Variants in WIPF2 observed in about 807,000 individuals in gnomAD.
WIPF2 encodes the protein WAS/WASL-interacting protein family member 2.
Under a neutral mutation model 38.8 loss-of-function variants are expected in WIPF2, and 23 were observed. The ratio of observed to expected loss-of-function variants is 0.59; its 90% CI spans 0.43 to 0.84. WIPF2 has a LOEUF of 0.84. Ranked by LOEUF, WIPF2 falls within the 40% of genes least tolerant of loss-of-function variation. The pLI is 0.00. For synonymous variants in WIPF2, 210 were observed against 223.2 expected (o/e 0.94, Z 0.53); for missense variants, 574 against 580.5 (o/e 0.99, Z 0.11).
intron 1 of WIPF2, among the ~76,000 whole-genome samples, chr17:40,232,166 C>G (rs2030771834): frequency 7.5e-6 from 1 of 132,808 alleles, no homozygotes; most frequent in African/African-American, 2.7e-5. Context: ...GCACATGCCA[C>G]CATGCCTGGC....
At chr17:40,252,738 G>A (rs2031598021) in intron 1 of WIPF2, among the ~76,000 whole-genome samples, 1 of 150,190 alleles carries the variant, frequency 6.7e-6, no homozygotes, top group African/African-American at 2.4e-5. Flanking sequence ...GTTTGTTTCT[G>A]AATCAACTGT....
At chr17:40,224,992 G>A (rs1466302841) in intron 1 of WIPF2, among the ~76,000 whole-genome samples, 1 of 151,990 alleles carries the variant, frequency 6.6e-6, no homozygotes, top group Non-Finnish European at 1.5e-5. Context: ...TTGACTGACT[G>A]TGTCTTGAGG....
At chr17:40,238,118 A>T (rs899720253) in intron 1 of WIPF2, among the ~76,000 whole-genome samples, 1 of 151,368 alleles carries the variant, frequency 6.6e-6, no homozygotes, top group Non-Finnish European at 1.5e-5. Flanking sequence ...TGGCCTCCCA[A>T]CGTGCTGGGA....
rs1461380357 is a variant in WIPF2 at position 40,264,953 on chromosome 17, T to C, written c.777T>C (p.Pro259=). Residue 259 remains proline, a synonymous_variant, in exon 5 of 8, where the codon CCT becomes CCC. Coordinates refer to ENST00000323571, the MANE Select transcript of WIPF2 (RefSeq NM_133264.5). ...CTCCTCCGCCTTACCGCCAGCCTCC[T>C]GGGGTCCCCAATGGACCCTCTAGCC... The part of the protein sequence containing the change: ...APPPPPYRQP[P]GVPNGPSSPT... The C allele has an allele frequency of 6.2e-7, 1 of 1,614,186 alleles. No individual in the cohort carries two copies. Among genetic ancestry groups the C allele is most frequent in the South Asian group, 1.1e-5 (1 of 91,088 alleles).
At chr17:40,276,315 G>A (rs1264845665) in intron 6 of WIPF2, among the ~76,000 whole-genome samples, 4 of 151,852 alleles carry the variant, frequency 2.6e-5, no homozygotes. Flanking sequence ...ATCACCTGAG[G>A]TCAGGAGTTC....
At chr17:40,248,859 A>G (rs888755503) in intron 1 of WIPF2, among the ~76,000 whole-genome samples, 1 of 152,194 alleles carries the variant, frequency 6.6e-6, no homozygotes, top group Non-Finnish European at 1.5e-5. Flanking sequence ...TTATTAGGAT[A>G]TTAAGTAATT....
At chr17:40,229,552 T>C (rs1343290149) in intron 1 of WIPF2, among the ~76,000 whole-genome samples, 1 of 152,170 alleles carries the variant, frequency 6.6e-6, no homozygotes, top group Non-Finnish European at 1.5e-5. Flanking sequence ...CCCAAGTAGC[T>C]GGGACTACAG....
chr17:40,256,813 G>T (rs1488344903), intron 2 of WIPF2, among the ~76,000 whole-genome samples: 1 of 152,084 alleles, frequency 6.6e-6, no homozygotes, highest in East Asian at 1.9e-4. Context: ...TTCCTGAGAG[G>T]TCCTCTTAGG....
At chr17:40,225,959 T>G (rs2030464222) in intron 1 of WIPF2, among the ~76,000 whole-genome samples, 1 of 152,038 alleles carries the variant, frequency 6.6e-6, no homozygotes, top group African/African-American at 2.4e-5. Context: ...CAAAAAAAAT[T>G]TAGTTTCTTA....
rs2031640311 is a variant in WIPF2, at chr17:40,253,931, A to C, written c.-69-2460A>C. Among the ~76,000 whole-genome samples the C allele has an allele frequency of 3.3e-5, 5 of 152,124 alleles. 1 individual carries two copies. The highest frequency in any genetic ancestry group is 3.3e-4 in the Admixed American group (5 of 15,260). ...TCCCAGAGCATTGAGAGAAGTATTA[A>C]ATTACTGCATTATTGACAGAGAGGT... On this transcript the variant is annotated intron_variant, in intron 1 of 7. Transcript: ENST00000323571.
chr17:40,232,139 A>AGTAGCTG (rs2030770687), intron 1 of WIPF2, among the ~76,000 whole-genome samples: 1 of 136,528 alleles, frequency 7.3e-6, no homozygotes, highest in East Asian at 2.3e-4. Context: ...CAGCGTCCTG[A>AGTAGCTG]GTAGCTGGGA....
intron 5 of WIPF2, among the ~76,000 whole-genome samples, chr17:40,271,246 G>T (rs969466636): frequency 6.6e-6 from 1 of 152,194 alleles, no homozygotes; most frequent in African/African-American, 2.4e-5. Flanking sequence ...AGAGTGTTGG[G>T]ATTACAGATG....
intron 1 of WIPF2, among the ~76,000 whole-genome samples, chr17:40,247,119 A>T (rs2031393636): frequency 6.6e-6 from 1 of 151,974 alleles, no homozygotes; most frequent in Non-Finnish European, 1.5e-5. Context: ...GTCTCAAAAC[A>T]AACAAACAAA....
chr17:40,264,467 C>T (rs748162858), intron 4 of WIPF2, 23 bp from the exon 5 acceptor site: 1 of 1,613,416 alleles, frequency 6.2e-7, no homozygotes, highest in Non-Finnish European at 8.5e-7. Context: ...TCTGTTGACC[C>T]TGTGTTGTCT....
intron 1 of WIPF2, among the ~76,000 whole-genome samples, chr17:40,232,723 T>TC (rs2030800837): frequency 6.6e-6 from 1 of 150,712 alleles, no homozygotes; most frequent in Non-Finnish European, 1.5e-5. Flanking sequence ...CACTGCAACC[T>TC]CTGCCTCCTG....
chr17:40,250,938 G>A (rs28663197), intron 1 of WIPF2, among the ~76,000 whole-genome samples: 16,010 of 52,820 alleles, frequency 0.3, 1,104 homozygotes, highest in East Asian at 0.47. Flanking sequence ...TTTTTTTTTT[G>A]AGTCTCGCTT....
chr17:40,277,014 C>T (rs748467100), intron 6 of WIPF2, 69 bp from the exon 7 acceptor site: 168 of 1,353,516 alleles, frequency 1.2e-4, no homozygotes, highest in Non-Finnish European at 1.6e-4. Context: ...TGGGGAGGGT[C>T]GAAGCGATCA....
intron 1 of WIPF2, among the ~76,000 whole-genome samples, chr17:40,239,685 GCTTTT>G (rs2031114282): frequency 6.8e-6 from 1 of 146,544 alleles, no homozygotes. Flanking sequence ...CTTTGGTTCA[GCTTTT>G]CTTTTTTTTT....
chr17:40,282,594 C>T lies in WIPF2; in HGVS notation c.*4369C>T, dbSNP rs1409932452. On this transcript the variant is annotated 3_prime_UTR_variant, in exon 8 of 8. Coordinates refer to ENST00000323571, the MANE Select transcript of WIPF2 (RefSeq NM_133264.5). ...CCAAATAGCATTGATTTTTTCCCCC[C>T]TCTAAAATGTATAATCTGGTCTCAG... The T allele has an allele frequency of 1.3e-5, 2 of 152,182 alleles. No individual in the cohort carries two copies. Among genetic ancestry groups the T allele is most frequent in the African/African-American group, 4.8e-5 (2 of 41,452 alleles). 9.4% of individuals were successfully genotyped at this position (152,182 alleles called of 1,614,324 possible).
Sources: gnomAD v4.1 joint callset for allele counts (sites outside exome capture counted in the v4.1 genomes callset) on GRCh38, gnomAD v4.1.1 for gene constraint, MANE v1.5 for transcripts, NCBI Gene and HGNC (gene_info 2026-07-23, HGNC 2026-07-21) for gene names.